POLR1C: variants seen among roughly 807,000 people sequenced by gnomAD.
The protein encoded by POLR1C is RNA polymerase I and III subunit C.
POLR1C carries 42 observed loss-of-function variants against 38.3 expected under a neutral mutation model. The observed-to-expected ratio is 1.10, with a 90% CI of 0.86 to 1.42. The LOEUF is 1.42. POLR1C is among the 40% of genes most tolerant of loss of function. The probability of loss-of-function intolerance (pLI) is 0.00; values close to 1 mark genes in which losing one functional copy is unlikely to be tolerated. For missense variants in POLR1C, 507 were observed against 450.5 expected, an observed-to-expected ratio of 1.13 and a Z score of -1.14; for synonymous variants, 163 against 163.9, an observed-to-expected ratio of 0.99 and a Z score of 0.04.
Position 43,519,869 on chromosome 6 carries a change from C to T in POLR1C, c.382+31C>T. On this transcript the variant is annotated intron_variant, in intron 4 of 8. Coordinates refer to ENST00000642195, the MANE Select transcript of POLR1C (RefSeq NM_203290.4). ...AAAATGAAATTTTGGGAGAAGTGGA[C>T]TATCTGGGTTCAAATCCTGGTTGAC... 1.9e-6 allele frequency: 3 copies of T among 1,605,842 alleles called. No homozygotes were observed. The East Asian group carries it at 6.7e-5, about 36-fold the overall frequency.
chr6:43,535,426 C>T (rs2127713037), intron 9 of POLR1C, among the ~76,000 whole-genome samples: 1 of 151,970 alleles, frequency 6.6e-6, no homozygotes, highest in East Asian at 1.9e-4. Flanking sequence ...CCAGTCTCTA[C>T]TAAAAATATA....
intron 8 of POLR1C, among the ~76,000 whole-genome samples, chr6:43,528,566 C>G (rs774520308): frequency 1.3e-5 from 2 of 152,126 alleles, no homozygotes; most frequent in African/African-American, 4.8e-5. Context: ...AGCAAGCATT[C>G]CTCTTTTTAC....
chr6:43,548,231 G>A lies in POLR1C; in HGVS notation c.*5-2737G>A, dbSNP rs376655925. Reference sequence around the variant, plus strand: ...AAACCAAAATGGGTGCTTGAGTATAGTAAGAGTCAGGGCAAGGGATCTCCT... The same window carrying A: ...AAACCAAAATGGGTGCTTGAGTATAATAAGAGTCAGGGCAAGGGATCTCCT... On this transcript the variant is annotated intron_variant, in intron 9 of 10. Transcript: ENST00000607635. The A allele has an allele frequency of 4.3e-5, 66 of 1,551,594 alleles. No homozygotes were observed. The African/African-American group carries it at 7.5e-4, about 18-fold the overall frequency.
intron 6 of POLR1C, 99 bp downstream of exon 6, chr6:43,520,526 A>C: frequency 6.2e-7 from 1 of 1,603,898 alleles, no homozygotes; most frequent in Non-Finnish European, 8.5e-7. Flanking sequence ...GCAGGTAGAA[A>C]GCCAAGAGGG....
At chr6:43,524,206 G>C (rs56132926), downstream of POLR1C, among the ~76,000 whole-genome samples, 1 of 152,120 alleles carries the variant, frequency 6.6e-6, no homozygotes, top group African/African-American at 2.4e-5. Flanking sequence ...ACAAAAAGTA[G>C]CCAGACGTGG....
chr6:43,525,729 A>G, downstream of POLR1C: 7 of 1,153,786 alleles, frequency 6.1e-6, no homozygotes, highest in Non-Finnish European at 8.5e-6. Context: ...GAACTTATGT[A>G]ACAAAGGAGT....
intron 2 of POLR1C, 44 bp downstream of exon 2, chr6:43,517,421 A>G (rs760698165): frequency 1.3e-6 from 2 of 1,542,902 alleles, no homozygotes; most frequent in South Asian, 2.2e-5. Flanking sequence ...TGAAGGCCAG[A>G]CCTTGTGGTC....
rs767980525 is a variant in POLR1C, at chr6:43,520,177, A to T, written c.494A>T (p.Asn165Ile). ...DSSDPNELYVNHKVYTRHMTW... is the reference protein window; with the variant it reads ...DSSDPNELYVIHKVYTRHMTW... The stretch of plus-strand genomic sequence containing the variant: ...TCTGACCCCAACGAACTGTACGTGA[A>T]CCACAAAGGTGAGTAGTGGTAGGGT... The change falls in exon 5 of 9, where the codon AAC becomes ATC. Residue 165 changes from asparagine to isoleucine, a missense_variant. Coordinates refer to ENST00000642195, the MANE Select transcript of POLR1C (RefSeq NM_203290.4). 1 of 1,614,240 alleles carries T rather than the reference A, an allele frequency of 6.2e-7. No homozygotes were observed. Among genetic ancestry groups the T allele is most frequent in the East Asian group, 2.2e-5 (1 of 44,886 alleles).
At chr6:43,522,543 G>T, downstream of POLR1C, 1 of 264,400 alleles carries the variant, frequency 3.8e-6, no homozygotes, top group South Asian at 3.2e-5. Flanking sequence ...ACACTCTTGA[G>T]ATCGCCTTCA....
intron 10 of POLR1C, chr6:43,560,821 A>G (rs988058034): frequency 1.0e-6 from 1 of 979,876 alleles, no homozygotes; most frequent in Non-Finnish European, 1.6e-6. Flanking sequence ...CAAGGCCTGA[A>G]GAGTCACATT....
downstream of POLR1C, among the ~76,000 whole-genome samples, chr6:43,532,398 TG>T (rs1257204306): frequency 6.6e-6 from 1 of 152,192 alleles, no homozygotes; most frequent in African/African-American, 2.4e-5. Flanking sequence ...AGGTTATAGC[TG>T]ATGACAAAGA....
chr6:43,539,680 C>A (rs113864553), intron 9 of POLR1C: 9 of 917,154 alleles, frequency 9.8e-6, no homozygotes, highest in East Asian at 5.2e-5. Flanking sequence ...CAGGCCCCCC[C>A]ACTGCACCGG....
chr6:43,548,193 G>C, intron 9 of POLR1C: 2 of 1,458,138 alleles, frequency 1.4e-6, no homozygotes, highest in South Asian at 2.9e-5. Context: ...ACCCCACCCT[G>C]GGCCTAGCTC....
At chr6:43,517,511 T>TC (rs1214139818) in intron 2 of POLR1C, 134 bp downstream of exon 2, 2 of 765,944 alleles carry the variant, frequency 2.6e-6, no homozygotes, top group African/African-American at 3.5e-5. Flanking sequence ...TGCTAGACGC[T>TC]CCGTTTACAG....
At position 43,541,504 on chromosome 6, in the gene POLR1C, A is replaced by T. The variant is rs114520676; in HGVS notation, c.*5-9464A>T. On this transcript the variant is annotated intron_variant, in intron 9 of 10. Transcript: ENST00000607635. ...TTTAATACTTTCAAAGGGTTGCATA[A>T]GTAACCTCTACCTGGTTCCAAAACG... 1.1e-3 allele frequency among the ~76,000 whole-genome samples: 168 copies of T among 152,354 alleles called. 1 individual carries two copies. The highest frequency in any genetic ancestry group is 0.01 in the Middle Eastern group (3 of 294).
intron 9 of POLR1C, among the ~76,000 whole-genome samples, chr6:43,550,213 G>A (rs1045686088): frequency 2.5e-4 from 38 of 152,102 alleles, no homozygotes; most frequent in African/African-American, 6.8e-4. Flanking sequence ...CTATGGAAAC[G>A]CCTCTCTCTT....
At chr6:43,548,416 GGA>G in intron 9 of POLR1C, 1 of 1,605,882 alleles carries the variant, frequency 6.2e-7, no homozygotes, top group Non-Finnish European at 8.5e-7. Flanking sequence ...GTAGCTCATT[GGA>G]GAGGAGTTGC....
chr6:43,525,983 C>T (rs760302892), downstream of POLR1C: 1 of 1,584,208 alleles, frequency 6.3e-7, no homozygotes, highest in South Asian at 1.1e-5. Context: ...ATATCTTGTT[C>T]TGACAGAAGC....
At chr6:43,557,668 C>T (rs1230618174) in intron 10 of POLR1C, among the ~76,000 whole-genome samples, 1 of 148,288 alleles carries the variant, frequency 6.7e-6, no homozygotes, top group Non-Finnish European at 1.5e-5. Flanking sequence ...AAAATATAAT[C>T]TAAAATTGAT....
Sources: allele counts gnomAD v4.1 joint callset (sites outside exome capture counted in the v4.1 genomes callset), GRCh38; gene constraint gnomAD v4.1.1; transcripts MANE v1.5; gene names NCBI Gene and HGNC (gene_info 2026-07-23, HGNC 2026-07-21).